The following INPP4B variants were observed in gnomAD, a reference collection of about 807,000 sequenced individuals.
INPP4B encodes the protein inositol polyphosphate 4-phosphatase type II.
INPP4B carries 55 observed loss-of-function variants against 122.5 expected under a neutral mutation model. That is an observed-to-expected ratio of 0.45 (90% confidence interval 0.36 to 0.56). The LOEUF is 0.56. Ranked by LOEUF, INPP4B falls within the 20% of genes least tolerant of loss-of-function variation. The pLI is 0.00. For missense variants in INPP4B, 1,000 were observed against 1,097.7 expected (o/e 0.91, Z 1.26); for synonymous variants, 403 against 388.7 (o/e 1.04, Z -0.43).
At position 142,442,528 on chromosome 4, in the gene INPP4B, C is replaced by T. The variant is rs568981720; in HGVS notation, c.-126-11143G>A. On this transcript the variant is annotated intron_variant, in intron 3 of 25. Transcript: ENST00000262992. ...TGTCATAAAAAGTGAGGAAACAAAC[C>T]ACGGACTAGGAAAATATATTTGTCA... Among the ~76,000 whole-genome samples, 34 of 151,446 alleles carry T rather than the reference C, an allele frequency of 2.2e-4. No individual in the cohort carries two copies. The South Asian group carries it at 6.7e-3, about 30-fold the overall frequency.
chr4:142,029,304 T>C, intron 25 of INPP4B: 2 of 985,810 alleles, frequency 2.0e-6, no homozygotes. Context: ...ATGCAGGTTC[T>C]AGAAATAAGG....
intron 16 of INPP4B, among the ~76,000 whole-genome samples, chr4:142,166,735 A>C (rs1163509417): frequency 1.3e-5 from 2 of 151,914 alleles, no homozygotes; most frequent in Non-Finnish European, 1.5e-5. Context: ...AAAGTACATG[A>C]ACAGATTCTT....
intron 5 of INPP4B, among the ~76,000 whole-genome samples, chr4:142,416,149 A>T (rs1579997839): frequency 6.6e-6 from 1 of 152,300 alleles, no homozygotes; most frequent in Non-Finnish European, 1.5e-5. Context: ...AACTTAAAGT[A>T]TAATAAAAAA....
intron 1 of INPP4B, among the ~76,000 whole-genome samples, chr4:142,840,659 G>C (rs186099677): frequency 2.7e-4 from 41 of 152,082 alleles, no homozygotes; most frequent in African/African-American, 9.9e-4. Flanking sequence ...TAAAAGAAAA[G>C]TTTTAAAAAA....
At chr4:142,753,519 A>AAT (rs1463609927) in intron 1 of INPP4B, among the ~76,000 whole-genome samples, 2 of 152,054 alleles carry the variant, frequency 1.3e-5, no homozygotes, top group Non-Finnish European at 2.9e-5. Flanking sequence ...AATCTCTCAA[A>AAT]ACAAATGTGC....
At chr4:142,480,050 C>A (rs1820321700) in intron 2 of INPP4B, among the ~76,000 whole-genome samples, 1 of 152,182 alleles carries the variant, frequency 6.6e-6, no homozygotes, top group Non-Finnish European at 1.5e-5. Flanking sequence ...AGTTATCCTT[C>A]TGATTGTCAC....
At chr4:142,655,516 AAGTGCTTTTC>A in intron 2 of INPP4B, among the ~76,000 whole-genome samples, 1 of 152,216 alleles carries the variant, frequency 6.6e-6, no homozygotes, top group Non-Finnish European at 1.5e-5. Context: ...CCTGTATGTT[AAGTGCTTTTC>A]AGGCACCTGA....
chr4:142,674,720 C>G (rs1757479399), intron 2 of INPP4B, among the ~76,000 whole-genome samples: 1 of 152,122 alleles, frequency 6.6e-6, no homozygotes, highest in African/African-American at 2.4e-5. Context: ...AAGAAACTCA[C>G]TCAAAACTGC....
At chr4:142,447,229 G>C in intron 3 of INPP4B, among the ~76,000 whole-genome samples, 1 of 152,096 alleles carries the variant, frequency 6.6e-6, no homozygotes, top group Non-Finnish European at 1.5e-5. Flanking sequence ...ATTTGTGGGG[G>C]CCTCAGTCTG....
intron 3 of INPP4B, among the ~76,000 whole-genome samples, chr4:142,457,660 G>A (rs1247328868): frequency 6.6e-6 from 1 of 152,148 alleles, no homozygotes; most frequent in East Asian, 1.9e-4. Context: ...TCTGGTAAGG[G>A]TGTTAACCAA....
chr4:142,460,530 CTTTTT>C (rs1045526809), intron 3 of INPP4B, among the ~76,000 whole-genome samples: 6 of 151,944 alleles, frequency 3.9e-5, no homozygotes, highest in Admixed American at 1.3e-4. Context: ...TCTTTCTTTT[CTTTTT>C]TTAAGAATCC....
intron 1 of INPP4B, among the ~76,000 whole-genome samples, chr4:142,789,638 A>G (rs541472354): frequency 6.6e-6 from 1 of 152,294 alleles, no homozygotes; most frequent in East Asian, 1.9e-4. Context: ...GGTAGAATCA[A>G]TATTGGAAAA....
Position 142,373,241 on chromosome 4 carries a change from G to C in INPP4B, c.372+29697C>G, listed in dbSNP as rs1292531070. On this transcript the variant is annotated intron_variant, in intron 7 of 25. Coordinates refer to ENST00000262992, the MANE Select transcript of INPP4B (RefSeq NM_001101669.3). Reference sequence around the variant, plus strand: ...TTGGTGCCCTTTCATAAAGCAGAAAGTGTTTGAGATGAATAGAGTAACAAC... The same window carrying C: ...TTGGTGCCCTTTCATAAAGCAGAAACTGTTTGAGATGAATAGAGTAACAAC... Among the ~76,000 whole-genome samples the C allele has an allele frequency of 2.6e-5, 4 of 152,072 alleles. No homozygotes were observed. In the East Asian group the frequency reaches 5.8e-4, roughly 22 times the overall value.
intron 20 of INPP4B, 135 bp from the exon 21 acceptor site, chr4:142,122,380 AC>A: frequency 5.9e-6 from 4 of 676,150 alleles, no homozygotes; most frequent in Non-Finnish European, 1.0e-5. Flanking sequence ...TACTCTAGAC[AC>A]TTTTCCTCAG....
intron 7 of INPP4B, among the ~76,000 whole-genome samples, chr4:142,361,745 C>A (rs1785476462): frequency 6.6e-6 from 1 of 151,662 alleles, no homozygotes; most frequent in African/African-American, 2.4e-5. Context: ...CTGTAATGAC[C>A]ATTTCTACCT....
Position 142,447,207 on chromosome 4 carries a change from T to G in INPP4B, c.-127+15456A>C, listed in dbSNP as rs76993243. ...GAAGTTGTATGGATCTGGCAGGGCG[T>G]GGAGACCACAGATTTGTGGGGGCCT... On this transcript the variant is annotated intron_variant, in intron 3 of 25. Coordinates refer to ENST00000262992, the MANE Select transcript of INPP4B (RefSeq NM_001101669.3). Among the ~76,000 whole-genome samples, 947 of 152,158 alleles carry G rather than the reference T, an allele frequency of 6.2e-3. 14 individuals are homozygous for G. The highest frequency in any genetic ancestry group is 0.022 in the African/African-American group (893 of 41,522).
chr4:142,133,069 T>G (rs1049921367), intron 18 of INPP4B, among the ~76,000 whole-genome samples: 4 of 152,152 alleles, frequency 2.6e-5, no homozygotes, highest in African/African-American at 9.7e-5. Context: ...TAGCATATTC[T>G]CTTTGTATTC....
chr4:142,537,425 TATATAGAGAGAGAGAGAGAG>T (rs1215064674), intron 2 of INPP4B, among the ~76,000 whole-genome samples: 8 of 40,992 alleles, frequency 2.0e-4, no homozygotes, highest in South Asian at 1.0e-3. Context: ...TATATATATA[TATATAGAGAGAGAGAGAGAG>T]AGAGAGAGAG....
At chr4:142,271,212 G>A (rs572050150) in intron 9 of INPP4B, among the ~76,000 whole-genome samples, 9 of 152,210 alleles carry the variant, frequency 5.9e-5, no homozygotes, top group African/African-American at 1.9e-4. Flanking sequence ...CAAAGTGCTG[G>A]GATTACAGAC....
Sources: gnomAD v4.1 joint callset for allele counts (sites outside exome capture counted in the v4.1 genomes callset) on GRCh38, gnomAD v4.1.1 for gene constraint, MANE v1.5 for transcripts, NCBI Gene and HGNC (gene_info 2026-07-23, HGNC 2026-07-21) for gene names.